Variants in ALCAM observed in about 807,000 individuals in gnomAD.
ALCAM encodes activated leukocyte cell adhesion molecule, also known as CD166 antigen.
A neutral mutation model predicts 70.9 loss-of-function variants in ALCAM; 30 were observed. The observed-to-expected ratio is 0.42, with a 90% CI of 0.32 to 0.57. ALCAM has a LOEUF of 0.57. Ranked by LOEUF, ALCAM falls within the 20% of genes least tolerant of loss-of-function variation. The pLI is 0.11. For missense variants in ALCAM, 591 were observed against 695.1 expected, an observed-to-expected ratio of 0.85 and a Z score of 1.68; for synonymous variants, 249 against 242.5, an observed-to-expected ratio of 1.03 and a Z score of -0.25.
intron 1 of ALCAM, among the ~76,000 whole-genome samples, chr3:105,443,183 A>G (rs1360595335): frequency 6.6e-6 from 1 of 152,176 alleles, no homozygotes; most frequent in Non-Finnish European, 1.5e-5. Flanking sequence ...CACCATTAAC[A>G]TGTTATGTGT....
rs1373113931 is a variant in ALCAM, at chr3:105,575,443, C to T, written c.*992C>T. On this transcript the variant is annotated 3_prime_UTR_variant, in exon 16 of 16. Transcript: ENST00000306107. ...TCATTATCAAAGCTGTGTTATTTTCCACAGAATATAGAATATATATTTTTT... is the reference window on the plus strand; with the variant it reads ...TCATTATCAAAGCTGTGTTATTTTCTACAGAATATAGAATATATATTTTTT... The T allele has an allele frequency of 1.3e-5, 2 of 152,366 alleles. No individual in the cohort carries two copies. Among genetic ancestry groups the T allele is most frequent in the African/African-American group, 2.4e-5 (1 of 41,346 alleles). 9.4% of individuals were successfully genotyped at this position (152,366 alleles called of 1,614,324 possible).
At chr3:105,514,335 G>A (rs917149627) in intron 1 of ALCAM, among the ~76,000 whole-genome samples, 4 of 151,838 alleles carry the variant, frequency 2.6e-5, no homozygotes, top group African/African-American at 9.7e-5. Context: ...GAGTAGATGG[G>A]GCCAAGGAAC....
intron 1 of ALCAM, among the ~76,000 whole-genome samples, chr3:105,376,001 A>T (rs1482413605): frequency 6.6e-6 from 1 of 152,138 alleles, no homozygotes; most frequent in Non-Finnish European, 1.5e-5. Context: ...AGCAGTGTTG[A>T]ATAAGAATAC....
intron 14 of ALCAM, among the ~76,000 whole-genome samples, chr3:105,567,789 G>T (rs998083937): frequency 1.3e-5 from 2 of 151,954 alleles, no homozygotes; most frequent in African/African-American, 4.8e-5. Flanking sequence ...ACATTCCCTG[G>T]ACTTTGTGTT....
chr3:105,429,054 C>A (rs1395804876), intron 1 of ALCAM, among the ~76,000 whole-genome samples: 1 of 151,830 alleles, frequency 6.6e-6, no homozygotes, highest in African/African-American at 2.4e-5. Flanking sequence ...TAATCTATGC[C>A]TTCATATCAT....
At chr3:105,425,189 T>G (rs1033791049) in intron 1 of ALCAM, among the ~76,000 whole-genome samples, 5 of 151,860 alleles carry the variant, frequency 3.3e-5, no homozygotes, top group African/African-American at 4.8e-5. Context: ...TATTATTGAA[T>G]TCTTTTATAG....
chr3:105,530,744 A>G (rs1311332502), intron 3 of ALCAM, among the ~76,000 whole-genome samples: 1 of 151,996 alleles, frequency 6.6e-6, no homozygotes, highest in Non-Finnish European at 1.5e-5. Context: ...TCATTATTCT[A>G]ATATCTCATG....
At chr3:105,563,158 G>C (rs1364408197) in intron 14 of ALCAM, among the ~76,000 whole-genome samples, 1 of 148,544 alleles carries the variant, frequency 6.7e-6, no homozygotes, top group African/African-American at 2.5e-5. Flanking sequence ...ATTTTGGCAG[G>C]TTGCTCAATA....
At position 105,547,582 on chromosome 3, in the gene ALCAM, A is replaced by G. The variant is rs1940282531; in HGVS notation, c.1374+59A>G. The G allele has an allele frequency of 9.5e-6, 15 of 1,579,932 alleles. 1 individual carries two copies. The South Asian group carries it at 1.3e-4, about 14-fold the overall frequency. On this transcript the variant is annotated intron_variant, in intron 11 of 15. Coordinates refer to ENST00000306107, the MANE Select transcript of ALCAM (RefSeq NM_001627.4). ...TCGTCCAATGCGTTTTTTTTCCTTC[A>G]CGAACCTACCCTATAGGTTGGTTTG...
chr3:105,391,218 C>CA (rs1177580000), intron 1 of ALCAM, among the ~76,000 whole-genome samples: 3 of 152,052 alleles, frequency 2.0e-5, no homozygotes, highest in Non-Finnish European at 4.4e-5. Context: ...CTGATTCTTC[C>CA]TATCCATGAG....
chr3:105,441,397 A>G (rs1020585811), intron 1 of ALCAM, among the ~76,000 whole-genome samples: 11 of 152,176 alleles, frequency 7.2e-5, no homozygotes, highest in Non-Finnish European at 8.8e-5. Flanking sequence ...CCAGTTTTAT[A>G]AAAAGGAAAA....
chr3:105,398,386 GA>G (rs1936005812), intron 1 of ALCAM, among the ~76,000 whole-genome samples: 1 of 151,970 alleles, frequency 6.6e-6, no homozygotes, highest in Non-Finnish European at 1.5e-5. Context: ...AAATTACTGA[GA>G]AATTTACGAG....
chr3:105,381,796 A>C (rs559526910), intron 1 of ALCAM, among the ~76,000 whole-genome samples: 8 of 151,872 alleles, frequency 5.3e-5, no homozygotes, highest in Non-Finnish European at 1.2e-4. Context: ...CAAAAGAAGT[A>C]AACATTTTCT....
chr3:105,502,380 T>C (rs2152616506), intron 1 of ALCAM, among the ~76,000 whole-genome samples: 1 of 152,292 alleles, frequency 6.6e-6, no homozygotes, highest in South Asian at 2.1e-4. Context: ...CAGACAGCAT[T>C]GTAAGAATGA....
chr3:105,438,497 T>C (rs1937102637), intron 1 of ALCAM, among the ~76,000 whole-genome samples: 1 of 152,198 alleles, frequency 6.6e-6, no homozygotes, highest in African/African-American at 2.4e-5. Flanking sequence ...ATTTAATCGA[T>C]AAATGTTAAA....
intron 1 of ALCAM, among the ~76,000 whole-genome samples, chr3:105,449,865 T>C (rs1937384793): frequency 6.6e-6 from 1 of 152,130 alleles, no homozygotes; most frequent in African/African-American, 2.4e-5. Flanking sequence ...GTTTATACAC[T>C]TCAACAGCAA....
At chr3:105,426,443 A>G (rs1330563329) in intron 1 of ALCAM, among the ~76,000 whole-genome samples, 1 of 151,968 alleles carries the variant, frequency 6.6e-6, no homozygotes, top group South Asian at 2.1e-4. Context: ...TTTTGTAATG[A>G]TCAAATCAGG....
chr3:105,446,606 G>T lies in ALCAM; in HGVS notation c.74-73461G>T, dbSNP rs969068442. Among the ~76,000 whole-genome samples the T allele has an allele frequency of 1.3e-3, 135 of 107,664 alleles. 1 individual carries two copies. The highest frequency in any genetic ancestry group is 9.9e-4 in the Non-Finnish European group (53 of 53,488). The allele number at this position is 107,664 out of a possible 152,430, so 70.6% of individuals were successfully genotyped here. On this transcript the variant is annotated intron_variant, in intron 1 of 15. Coordinates refer to ENST00000306107, the MANE Select transcript of ALCAM (RefSeq NM_001627.4). ...ATGGATGAATGGATAAAGGAAATTTGGTGTACACACACACACACACACACA... is the reference window on the plus strand; with the variant it reads ...ATGGATGAATGGATAAAGGAAATTTTGTGTACACACACACACACACACACA...
intron 6 of ALCAM, among the ~76,000 whole-genome samples, chr3:105,539,595 C>G (rs979087745): frequency 1.3e-5 from 2 of 151,942 alleles, no homozygotes; most frequent in Non-Finnish European, 2.9e-5. Flanking sequence ...TAGCTATTTG[C>G]TAGCTGATTT....
Sources: gnomAD v4.1 joint callset for allele counts (sites outside exome capture counted in the v4.1 genomes callset) on GRCh38, gnomAD v4.1.1 for gene constraint, MANE v1.5 for transcripts, NCBI Gene and HGNC (gene_info 2026-07-23, HGNC 2026-07-21) for gene names.